The following DYM variants were observed in gnomAD, a reference collection of about 807,000 sequenced individuals.
DYM encodes the protein dyggve-Melchior-Clausen syndrome protein.
Under a neutral mutation model 93.1 loss-of-function variants are expected in DYM, and 78 were observed. That is an observed-to-expected ratio of 0.84 (90% CI 0.70 to 1.01). DYM has a LOEUF of 1.01. Among genes scored for constraint, DYM ranks in the 50% least tolerant of loss-of-function variants. DYM has a pLI of 0.00. For missense variants in DYM, 789 were observed against 845.0 expected (o/e 0.93, Z 0.82); for synonymous variants, 321 against 319.7 (o/e 1.00, Z -0.04).
chr18:49,432,672 C>T (rs1002994514), intron 1 of DYM, among the ~76,000 whole-genome samples: 2 of 141,754 alleles, frequency 1.4e-5, no homozygotes, highest in Non-Finnish European at 3.0e-5. Context: ...AGTACAGTGG[C>T]GTGATTATAG....
chr18:49,167,706 T>C (rs2088086509), intron 14 of DYM, among the ~76,000 whole-genome samples: 1 of 152,222 alleles, frequency 6.6e-6, no homozygotes, highest in Non-Finnish European at 1.5e-5. Context: ...TGTTTGTATG[T>C]AAATGGATAA....
intron 14 of DYM, among the ~76,000 whole-genome samples, chr18:49,196,390 C>A (rs1404876475): frequency 6.6e-6 from 1 of 151,984 alleles, no homozygotes. Flanking sequence ...AAATATGAAG[C>A]ACCTATTGAA....
intron 17 of DYM, chr18:49,049,600 CCA>C (rs2072116300): frequency 6.6e-6 from 1 of 152,540 alleles, no homozygotes. Flanking sequence ...ATAGTACCCA[CCA>C]CAGAGTAAGT....
chr18:49,420,316 C>T (rs899570051), intron 2 of DYM, among the ~76,000 whole-genome samples: 2 of 151,844 alleles, frequency 1.3e-5, no homozygotes, highest in Non-Finnish European at 2.9e-5. Context: ...TACAGGCGCC[C>T]GCCACCACGC....
At chr18:49,299,935 C>T (rs974888736) in intron 8 of DYM, among the ~76,000 whole-genome samples, 1 of 150,124 alleles carries the variant, frequency 6.7e-6, no homozygotes, top group Non-Finnish European at 1.5e-5. Flanking sequence ...CCCAGCTACT[C>T]GGGAGGCTGA....
intron 3 of DYM, among the ~76,000 whole-genome samples, chr18:49,380,496 C>T (rs1276751680): frequency 6.6e-6 from 1 of 152,160 alleles, no homozygotes; most frequent in African/African-American, 2.4e-5. Flanking sequence ...TCACACCAAC[C>T]CTCCAGGAAA....
intron 14 of DYM, among the ~76,000 whole-genome samples, chr18:49,165,080 A>G (rs79748322): frequency 0.026 from 4,018 of 152,306 alleles, 168 homozygotes; most frequent in African/African-American, 0.091. Context: ...GGATACAAAA[A>G]AGACATACTA....
chr18:49,436,818 A>G (rs894285999), intron 1 of DYM, among the ~76,000 whole-genome samples: 1 of 152,204 alleles, frequency 6.6e-6, no homozygotes, highest in African/African-American at 2.4e-5. Flanking sequence ...ACAGGAAAAA[A>G]ATGACACCAG....
intron 2 of DYM, among the ~76,000 whole-genome samples, chr18:49,411,175 T>A (rs958926393): frequency 1.3e-5 from 2 of 152,196 alleles, no homozygotes; most frequent in Non-Finnish European, 2.9e-5. Context: ...TCTTTCAATA[T>A]GAATAATATT....
chr18:49,095,025 G>C (rs1202665077), intron 17 of DYM, among the ~76,000 whole-genome samples: 1 of 152,152 alleles, frequency 6.6e-6, no homozygotes, highest in Admixed American at 6.5e-5. Flanking sequence ...TATTAAGACA[G>C]CATTTCCAAT....
At chr18:49,298,716 T>C (rs2060715051) in intron 8 of DYM, among the ~76,000 whole-genome samples, 3 of 152,000 alleles carry the variant, frequency 2.0e-5, no homozygotes, top group African/African-American at 7.3e-5. Flanking sequence ...TTGAAAAAAA[T>C]CCACTGAAAT....
chr18:49,184,840 G>A (rs1323875785), intron 14 of DYM, among the ~76,000 whole-genome samples: 4 of 152,102 alleles, frequency 2.6e-5, no homozygotes, highest in Non-Finnish European at 5.9e-5. Flanking sequence ...AAAACAAAAC[G>A]AGGATAATGG....
At chr18:49,203,183 G>T in intron 14 of DYM, among the ~76,000 whole-genome samples, 1 of 94,050 alleles carries the variant, frequency 1.1e-5, no homozygotes, top group Admixed American at 9.7e-5. Flanking sequence ...GAGGTTGGGG[G>T]GTCAGCCCCC....
chr18:49,425,603 A>G (rs1249208747), intron 2 of DYM, among the ~76,000 whole-genome samples: 1 of 152,212 alleles, frequency 6.6e-6, no homozygotes, highest in East Asian at 1.9e-4. Flanking sequence ...CAGAGTGAAC[A>G]GGCAACCTAC....
chr18:49,150,673 A>G (rs1295351460), intron 15 of DYM, among the ~76,000 whole-genome samples: 1 of 152,194 alleles, frequency 6.6e-6, no homozygotes, highest in African/African-American at 2.4e-5. Flanking sequence ...ACATGGCCCT[A>G]CAGAAGATGG....
At chr18:49,400,447 C>T (rs2070685235) in intron 2 of DYM, among the ~76,000 whole-genome samples, 2 of 152,110 alleles carry the variant, frequency 1.3e-5, no homozygotes, top group African/African-American at 4.8e-5. Flanking sequence ...ACAATCAACA[C>T]TTTAGAGCAG....
intron 17 of DYM, among the ~76,000 whole-genome samples, chr18:49,053,989 C>T (rs921569232): frequency 6.6e-6 from 1 of 152,152 alleles, no homozygotes. Context: ...CCAGGTAGTT[C>T]TGGCGAATAC....
intron 5 of DYM, among the ~76,000 whole-genome samples, chr18:49,370,659 C>T (rs146370799): frequency 1.3e-3 from 201 of 151,938 alleles, no homozygotes; most frequent in African/African-American, 4.0e-3. Context: ...CCCAGCTACT[C>T]GGGAGGCTAA....
At chr18:49,245,658 G>C (rs1023374536) in intron 13 of DYM, among the ~76,000 whole-genome samples, 1 of 152,228 alleles carries the variant, frequency 6.6e-6, no homozygotes, top group Admixed American at 6.5e-5. Flanking sequence ...TGTGTGCACA[G>C]TGGGACACAG....
Sources: gnomAD v4.1 joint callset for allele counts (sites outside exome capture counted in the v4.1 genomes callset) on GRCh38, gnomAD v4.1.1 for gene constraint, MANE v1.5 for transcripts, NCBI Gene and HGNC (gene_info 2026-07-23, HGNC 2026-07-21) for gene names.